The following CSMD1 variants were observed in gnomAD, a reference collection of about 807,000 sequenced individuals.
The protein encoded by CSMD1 is CUB and sushi domain-containing protein 1.
In CSMD1, 213 loss-of-function variants were observed where a neutral mutation model predicts 417.5. The observed-to-expected ratio is 0.51, with a 90% confidence interval of 0.46 to 0.57. The LOEUF (loss-of-function observed/expected upper bound fraction) is 0.57. CSMD1 is among the 20% of genes least tolerant of loss of function. The probability of loss-of-function intolerance (pLI) is 0.00; values close to 1 mark genes in which losing one functional copy is unlikely to be tolerated. For missense variants in CSMD1, 6,923 were observed against 4,529.7 expected, an observed-to-expected ratio of 1.53 and a Z score of -15.17; for synonymous variants, 2,862 against 1,736.8, an observed-to-expected ratio of 1.65 and a Z score of -16.11.
At chr8:3,634,420 C>G (rs977154298) in intron 7 of CSMD1, among the ~76,000 whole-genome samples, 3 of 152,146 alleles carry the variant, frequency 2.0e-5, no homozygotes, top group Non-Finnish European at 4.4e-5. Context: ...ATCCTCTGTG[C>G]GTGGGGTCAC....
At chr8:3,722,790 C>T in intron 6 of CSMD1, among the ~76,000 whole-genome samples, 1 of 152,190 alleles carries the variant, frequency 6.6e-6, no homozygotes. Flanking sequence ...ACCTGCACTT[C>T]TGCTGTGTAA....
At chr8:4,163,996 G>C (rs77554229) in intron 3 of CSMD1, among the ~76,000 whole-genome samples, 1 of 152,258 alleles carries the variant, frequency 6.6e-6, no homozygotes, top group African/African-American at 2.4e-5. Flanking sequence ...AGGAATAATC[G>C]TGAGGAGAAA....
chr8:4,391,667 G>A (rs560373648), intron 3 of CSMD1, among the ~76,000 whole-genome samples: 6 of 152,148 alleles, frequency 3.9e-5, no homozygotes, highest in South Asian at 2.1e-4. Context: ...GTGGGAAGAC[G>A]GCTTACTTCC....
intron 3 of CSMD1, among the ~76,000 whole-genome samples, chr8:4,264,556 T>C (rs779103): frequency 0.84 from 127,808 of 152,130 alleles, 55,119 homozygotes; most frequent in Non-Finnish European, 0.93. Flanking sequence ...TTTTTAAGGG[T>C]TAGCAAGCAT....
intron 1 of CSMD1, among the ~76,000 whole-genome samples, chr8:4,693,284 A>G (rs1295062370): frequency 6.6e-6 from 1 of 152,228 alleles, no homozygotes; most frequent in Non-Finnish European, 1.5e-5. Flanking sequence ...GGAGAGGTAG[A>G]TAGGGAAGAA....
chr8:3,415,695 T>C (rs1380426634), intron 12 of CSMD1, among the ~76,000 whole-genome samples: 2 of 152,208 alleles, frequency 1.3e-5, no homozygotes, highest in Non-Finnish European at 2.9e-5. Context: ...GTGTATTATA[T>C]GTTGTATTTA....
At chr8:3,303,172 A>C (rs182635591) in intron 25 of CSMD1, among the ~76,000 whole-genome samples, 1 of 152,226 alleles carries the variant, frequency 6.6e-6, no homozygotes, top group African/African-American at 2.4e-5. Context: ...GAGTGGCCTC[A>C]TACCTTTCTG....
chr8:4,182,665 T>C lies in CSMD1; in HGVS notation c.416-150566A>G, dbSNP rs142301503. 5.0e-4 allele frequency among the ~76,000 whole-genome samples: 76 copies of C among 152,254 alleles called. No individual in the cohort carries two copies. The East Asian group carries it at 0.011, about 23-fold the overall frequency. ...TTCAGGAGTGACCCCTAAAAATAGA[T>C]TCACAAATTGTGAATGCCCGATTAA... On this transcript the variant is annotated intron_variant, in intron 3 of 69. Transcript: ENST00000635120.
intron 3 of CSMD1, among the ~76,000 whole-genome samples, chr8:4,195,292 A>G (rs542684095): frequency 6.6e-5 from 10 of 152,156 alleles, no homozygotes; most frequent in Non-Finnish European, 1.0e-4. Flanking sequence ...CAGTTCCACA[A>G]TCATAATATT....
chr8:4,143,928 G>A lies in CSMD1; in HGVS notation c.416-111829C>T, dbSNP rs1055694164. On this transcript the variant is annotated intron_variant, in intron 3 of 69. Coordinates refer to ENST00000635120, the MANE Select transcript of CSMD1 (RefSeq NM_033225.6). ...TAAAGGCTGGGGTGAATTGGCCCGT[G>A]TTGCAGATGAAGGGATGGCCAGTGC... Among the ~76,000 whole-genome samples, 3 of 151,332 alleles carry A rather than the reference G, an allele frequency of 2.0e-5. No homozygotes were observed. The East Asian group carries it at 5.8e-4, about 29-fold the overall frequency.
chr8:4,436,471 A>C (rs1019340201), intron 2 of CSMD1, among the ~76,000 whole-genome samples: 2 of 152,158 alleles, frequency 1.3e-5, no homozygotes, highest in African/African-American at 4.8e-5. Flanking sequence ...AATGCAATGC[A>C]TAATAATCAC....
intron 1 of CSMD1, among the ~76,000 whole-genome samples, chr8:4,710,103 G>A (rs987155018): frequency 1.3e-5 from 2 of 152,074 alleles, no homozygotes; most frequent in African/African-American, 4.8e-5. Context: ...CCAAGGAAAA[G>A]CAAGTTCTGA....
At chr8:3,916,693 C>A in intron 5 of CSMD1, among the ~76,000 whole-genome samples, 1 of 152,042 alleles carries the variant, frequency 6.6e-6, no homozygotes, top group African/African-American at 2.4e-5. Context: ...GTGTAGTTTC[C>A]TACTACAGTC....
intron 3 of CSMD1, among the ~76,000 whole-genome samples, chr8:4,045,263 C>G (rs998261387): frequency 1.4e-4 from 21 of 152,204 alleles, no homozygotes; most frequent in Admixed American, 8.5e-4. Context: ...GAGACAAAGC[C>G]TCTCATTTCT....
intron 1 of CSMD1, among the ~76,000 whole-genome samples, chr8:4,765,109 T>A (rs1336387288): frequency 2.6e-5 from 4 of 152,068 alleles, no homozygotes; most frequent in Non-Finnish European, 5.9e-5. Context: ...ATTCACTGGG[T>A]TCAAATCTTG....
intron 26 of CSMD1, among the ~76,000 whole-genome samples, chr8:3,242,670 G>C (rs1187758385): frequency 6.6e-6 from 1 of 152,046 alleles, no homozygotes; most frequent in Non-Finnish European, 1.5e-5. Context: ...CACAGGCTAA[G>C]GGAGAAGAGA....
At chr8:3,741,946 C>G (rs1438586370) in intron 6 of CSMD1, among the ~76,000 whole-genome samples, 1 of 151,390 alleles carries the variant, frequency 6.6e-6, no homozygotes, top group Non-Finnish European at 1.5e-5. Flanking sequence ...CCACAAATGG[C>G]AAATCTAATT....
At chr8:3,959,802 T>G (rs1158049118) in intron 5 of CSMD1, among the ~76,000 whole-genome samples, 1 of 152,170 alleles carries the variant, frequency 6.6e-6, no homozygotes, top group Non-Finnish European at 1.5e-5. Flanking sequence ...TACTCTGACC[T>G]GTTAGCACCT....
chr8:3,382,123 G>A (rs1358081640), intron 18 of CSMD1, among the ~76,000 whole-genome samples: 1 of 152,000 alleles, frequency 6.6e-6, no homozygotes, highest in Non-Finnish European at 1.5e-5. Flanking sequence ...GCTGGGCATG[G>A]TGGTGGGAGC....
Sources: gnomAD v4.1 joint callset for allele counts (sites outside exome capture counted in the v4.1 genomes callset) on GRCh38, gnomAD v4.1.1 for gene constraint, MANE v1.5 for transcripts, NCBI Gene and HGNC (gene_info 2026-07-23, HGNC 2026-07-21) for gene names.